The following POU6F2 variants were observed in gnomAD, a reference collection of about 807,000 sequenced individuals.
POU6F2 encodes POU domain, class 6, transcription factor 2.
Under a neutral mutation model 71.3 loss-of-function variants are expected in POU6F2, and 31 were observed. That is an observed-to-expected ratio of 0.43 (90% CI 0.33 to 0.59). The LOEUF is 0.59. Ranked by LOEUF, POU6F2 falls within the 20% of genes least tolerant of loss-of-function variation. The pLI, the probability that POU6F2 is intolerant of heterozygous loss-of-function variation, is 0.04. For missense variants in POU6F2, 783 were observed against 856.8 expected (o/e 0.91, Z 1.07); for synonymous variants, 347 against 355.7 (o/e 0.98, Z 0.27).
At chr7:39,229,050 C>T (rs2128749702) in intron 4 of POU6F2, among the ~76,000 whole-genome samples, 1 of 152,288 alleles carries the variant, frequency 6.6e-6, no homozygotes. Flanking sequence ...AGTAGTGAGC[C>T]ATGGTTGTGG....
At chr7:39,186,864 C>G (rs988422829) in intron 2 of POU6F2, among the ~76,000 whole-genome samples, 4 of 152,290 alleles carry the variant, frequency 2.6e-5, no homozygotes, top group Admixed American at 2.0e-4. Flanking sequence ...CAGGCATTGA[C>G]AATGCTTGAG....
chr7:39,407,839 T>G (rs57694192), intron 6 of POU6F2, among the ~76,000 whole-genome samples: 70,868 of 152,000 alleles, frequency 0.47, 17,212 homozygotes, highest in East Asian at 0.7. Flanking sequence ...GCGGGTGTGG[T>G]ATTGTCCCGT....
chr7:39,076,636 G>A (rs754301304), intron 1 of POU6F2, among the ~76,000 whole-genome samples: 1 of 152,144 alleles, frequency 6.6e-6, no homozygotes. Flanking sequence ...TCTGTGGAAC[G>A]CTTTCCTCAA....
At chr7:39,076,240 C>T (rs1046015212) in intron 1 of POU6F2, among the ~76,000 whole-genome samples, 2 of 151,660 alleles carry the variant, frequency 1.3e-5, no homozygotes, top group Admixed American at 6.6e-5. Context: ...CCTTTTCCTC[C>T]CTTCCATTCC....
intron 4 of POU6F2, among the ~76,000 whole-genome samples, chr7:39,337,784 A>C (rs1450248524): frequency 1.3e-5 from 2 of 152,118 alleles, no homozygotes; most frequent in African/African-American, 4.8e-5. Flanking sequence ...TTTTGCTTGC[A>C]GATGTCAAAT....
intron 2 of POU6F2, chr7:39,120,964 TAAGCTAGTTTTTC>T (rs1703902319): frequency 2.6e-5 from 4 of 152,328 alleles, no homozygotes; most frequent in Admixed American, 2.6e-4. Flanking sequence ...GCTAGGCCAC[TAAGCTAGTTTTTC>T]AATACTTAAA....
chr7:39,423,108 A>C (rs924286947), intron 6 of POU6F2, among the ~76,000 whole-genome samples: 5 of 152,202 alleles, frequency 3.3e-5, no homozygotes, highest in African/African-American at 1.2e-4. Flanking sequence ...AACACATCTG[A>C]GCATGTAATT....
rs1789016682 is a variant in POU6F2, at chr7:39,464,247, G to A, written c.1724G>A (p.Ser575Asn). 1 of 1,613,910 alleles carries A rather than the reference G, an allele frequency of 6.2e-7. No individual in the cohort carries two copies. Among genetic ancestry groups the A allele is most frequent in the South Asian group, 1.1e-5 (1 of 91,090 alleles). ...GCCCAAGAGAACACTATAGCTAGCA[G>A]TCTGACAGCCAAACTGAACCCTGGC... ...QEAQENTIAS[S>N]LTAKLNPGLL... The change falls in exon 10 of 10, where the codon AGT becomes AAT. Residue 575 changes from serine to asparagine, a missense_variant. Coordinates refer to ENST00000518318, the MANE Select transcript of POU6F2 (RefSeq NM_001370959.1). This position sits in a 1 kb window ranked among gnomAD's most constrained non-coding sequence, Gnocchi z 4.1.
In POU6F2 at chr7:39,339,682, C is replaced by A. The variant is rs538979252; in HGVS notation, c.639C>A (p.Leu213=). 1.2e-6 allele frequency: 2 copies of A among 1,603,608 alleles called. No individual in the cohort carries two copies. The highest frequency in any genetic ancestry group is 1.1e-5 in the South Asian group (1 of 90,472). Residue 213 remains leucine, a synonymous_variant, in exon 5 of 10, where the codon CTC becomes CTA. Transcript: ENST00000518318. Reference sequence around the variant, plus strand: ...ACTCCCAGCTCCAGCAGCTCCAGCTCCAGCTCCAGCAGCAGCAGCAGCAGC... The same window carrying A: ...ACTCCCAGCTCCAGCAGCTCCAGCTACAGCTCCAGCAGCAGCAGCAGCAGC... The part of the protein sequence containing the change: ...SLNSQLQQLQ[L]QLQQQQQQQQ...
At chr7:39,246,481 C>T (rs78921541) in intron 4 of POU6F2, among the ~76,000 whole-genome samples, 10,930 of 152,098 alleles carry the variant, frequency 0.072, 500 homozygotes, top group East Asian at 0.13. Context: ...GAAGATGTGA[C>T]CAAGTGGTTA....
intron 2 of POU6F2, among the ~76,000 whole-genome samples, chr7:39,111,861 T>C (rs2128725676): frequency 6.6e-6 from 1 of 152,232 alleles, no homozygotes; most frequent in African/African-American, 2.4e-5. Context: ...ATTTTTTTTT[T>C]AATGTTGGAG....
At chr7:39,169,346 G>A (rs1268379626) in intron 2 of POU6F2, among the ~76,000 whole-genome samples, 1 of 152,118 alleles carries the variant, frequency 6.6e-6, no homozygotes, top group Non-Finnish European at 1.5e-5. Context: ...TATGCTTTGA[G>A]AATGAAAGTC....
intron 1 of POU6F2, among the ~76,000 whole-genome samples, chr7:39,073,026 A>G (rs745369513): frequency 2.0e-5 from 3 of 152,184 alleles, no homozygotes; most frequent in Non-Finnish European, 4.4e-5. Flanking sequence ...TGTCTACTAG[A>G]TGGTGACTTT....
chr7:39,283,229 G>A (rs542368299), intron 4 of POU6F2, among the ~76,000 whole-genome samples: 31 of 151,966 alleles, frequency 2.0e-4, no homozygotes, highest in African/African-American at 6.5e-4. Flanking sequence ...CCATAAATAC[G>A]GACAATTTAA....
At chr7:39,323,810 T>C (rs1785449437) in intron 4 of POU6F2, among the ~76,000 whole-genome samples, 1 of 151,924 alleles carries the variant, frequency 6.6e-6, no homozygotes, top group Non-Finnish European at 1.5e-5. Flanking sequence ...TAGAGGTCAG[T>C]TAAAAGGCCC....
intron 6 of POU6F2, among the ~76,000 whole-genome samples, chr7:39,431,598 A>G (rs1788103039): frequency 6.6e-6 from 1 of 152,154 alleles, no homozygotes; most frequent in South Asian, 2.1e-4. Context: ...GCACCCTCCA[A>G]GGTCCTCCAT....
At chr7:39,365,400 A>C (rs570652388) in intron 5 of POU6F2, among the ~76,000 whole-genome samples, 1 of 152,368 alleles carries the variant, frequency 6.6e-6, no homozygotes, top group Non-Finnish European at 1.5e-5. Context: ...AAGATGGATT[A>C]AGGACTTAAA....
At chr7:39,017,862 A>C (rs955566017) in intron 1 of POU6F2, among the ~76,000 whole-genome samples, 3 of 146,600 alleles carry the variant, frequency 2.0e-5, no homozygotes, top group Non-Finnish European at 4.5e-5. Flanking sequence ...GATTTTTTTC[A>C]GAATTATCCT....
chr7:39,368,537 A>G (rs529616501), intron 5 of POU6F2, among the ~76,000 whole-genome samples: 1 of 152,378 alleles, frequency 6.6e-6, no homozygotes, highest in East Asian at 1.9e-4. Context: ...AAATCTAGCT[A>G]AGATCATTGA....
Sources: allele counts gnomAD v4.1 joint callset (sites outside exome capture counted in the v4.1 genomes callset), GRCh38; gene constraint gnomAD v4.1.1; non-coding constraint Gnocchi (gnomAD v3.1); transcripts MANE v1.5; gene names NCBI Gene and HGNC (gene_info 2026-07-23, HGNC 2026-07-21).